The following IKZF2 variants were observed in gnomAD, a reference collection of about 807,000 sequenced individuals.
IKZF2 encodes the protein zinc finger protein Helios.
IKZF2 carries 15 observed loss-of-function variants against 49.2 expected under a neutral mutation model. The observed-to-expected ratio is 0.30, with a 90% CI of 0.20 to 0.47. The LOEUF (loss-of-function observed/expected upper bound fraction) is 0.47. Among genes scored for constraint, IKZF2 ranks in the 20% least tolerant of loss-of-function variants. The pLI is 1.00. For missense variants in IKZF2, 567 were observed against 664.6 expected, an observed-to-expected ratio of 0.85 and a Z score of 1.61; for synonymous variants, 227 against 221.4, an observed-to-expected ratio of 1.03 and a Z score of -0.23.
At chr2:213,059,275 A>T (rs1701460129) in intron 4 of IKZF2, among the ~76,000 whole-genome samples, 1 of 151,660 alleles carries the variant, frequency 6.6e-6, no homozygotes, top group South Asian at 2.1e-4. Flanking sequence ...CCCAGTGTTT[A>T]TGATATCTTT....
chr2:213,030,663 G>A (rs543455406), intron 6 of IKZF2, among the ~76,000 whole-genome samples: 15 of 151,766 alleles, frequency 9.9e-5, no homozygotes, highest in South Asian at 6.2e-4. Context: ...TTAACCCAAC[G>A]TTTTCCAAAA....
chr2:213,007,237 C>G lies in IKZF2; in HGVS notation c.*123G>C. The G allele has an allele frequency of 9.7e-7, 1 of 1,029,518 alleles. No homozygotes were observed. Among genetic ancestry groups the G allele is most frequent in the South Asian group, 1.8e-5 (1 of 54,904 alleles). 63.8% of individuals were successfully genotyped at this position (1,029,518 alleles called of 1,614,324 possible). On this transcript the variant is annotated 3_prime_UTR_variant, in exon 9 of 9. Coordinates refer to ENST00000434687, the MANE Select transcript of IKZF2 (RefSeq NM_001387220.1). The stretch of plus-strand genomic sequence containing the variant: ...GCCTCCACAAAATAAGAATTATCAA[C>G]AGTAATAATATTAAAAAAAATAAAA...
chr2:213,013,992 C>A, intron 7 of IKZF2, 58 bp from the exon 8 acceptor site: 1 of 1,539,608 alleles, frequency 6.5e-7, no homozygotes, highest in African/African-American at 1.4e-5. Context: ...TTGGATGATA[C>A]AAAGCTGGAT....
chr2:213,019,893 T>G (rs1697018020), intron 7 of IKZF2, among the ~76,000 whole-genome samples: 1 of 152,216 alleles, frequency 6.6e-6, no homozygotes, highest in South Asian at 2.1e-4. Flanking sequence ...TTTAAATTTT[T>G]CGTTAGCATT....
intron 7 of IKZF2, chr2:213,021,526 A>G (rs1697215670): frequency 3.7e-6 from 1 of 273,464 alleles, no homozygotes; most frequent in Middle Eastern, 9.4e-4. Context: ...GTGGAGAGAG[A>G]TGGTGTCTAA....
chr2:213,077,046 A>G (rs1293573277), intron 4 of IKZF2, among the ~76,000 whole-genome samples: 5 of 152,252 alleles, frequency 3.3e-5, no homozygotes, highest in Non-Finnish European at 5.9e-5. Context: ...GTTTACCAAA[A>G]GGACTGTGGA....
chr2:213,122,983 G>A (rs1022964318), intron 4 of IKZF2, among the ~76,000 whole-genome samples: 2 of 152,126 alleles, frequency 1.3e-5, no homozygotes, highest in Admixed American at 6.5e-5. Flanking sequence ...TATGCTTCCC[G>A]GCACAATTCC....
chr2:213,143,739 C>T (rs1323986132), intron 4 of IKZF2, among the ~76,000 whole-genome samples: 1 of 151,886 alleles, frequency 6.6e-6, no homozygotes, highest in Non-Finnish European at 1.5e-5. Flanking sequence ...ACTCAGAAAG[C>T]TGGTAAGTCC....
chr2:213,008,773 A>C (rs760983859), intron 8 of IKZF2, among the ~76,000 whole-genome samples: 1 of 152,092 alleles, frequency 6.6e-6, no homozygotes, highest in African/African-American at 2.4e-5. Flanking sequence ...ATTAGTGACC[A>C]AGCTACAAAG....
chr2:213,125,184 G>A (rs1413262391), intron 4 of IKZF2, among the ~76,000 whole-genome samples: 2 of 152,168 alleles, frequency 1.3e-5, no homozygotes, highest in Non-Finnish European at 1.5e-5. Flanking sequence ...GTTCTAGAGT[G>A]TATAACATTT....
chr2:213,007,681 G>GA lies in IKZF2; in HGVS notation c.1259_1260insT (p.Gln421ProfsTer31). 2 of 1,613,726 alleles carry GA rather than the reference G, an allele frequency of 1.2e-6. No individual in the cohort carries two copies. Among genetic ancestry groups the GA allele is most frequent in the Non-Finnish European group, 1.7e-6 (2 of 1,179,768 alleles). ...TGGGATTTAAGGCAGGGTGTCCTTGGTAGGACTGGTGGTCATCATGGCTGC... is the reference window on the plus strand; with the variant it reads ...TGGGATTTAAGGCAGGGTGTCCTTGGATAGGACTGGTGGTCATCATGGCTGC... On this transcript the variant is annotated frameshift_variant, in exon 9 of 9. Transcript: ENST00000434687. LOFTEE classifies it high-confidence loss of function.
At chr2:213,088,068 G>A (rs557251715) in intron 4 of IKZF2, among the ~76,000 whole-genome samples, 2 of 152,292 alleles carry the variant, frequency 1.3e-5, no homozygotes, top group East Asian at 1.9e-4. Flanking sequence ...CTAGATCCCT[G>A]AGGAATTGCC....
At chr2:213,111,374 GTTCT>G (rs2125771949) in intron 4 of IKZF2, among the ~76,000 whole-genome samples, 1 of 152,062 alleles carries the variant, frequency 6.6e-6, no homozygotes, top group Non-Finnish European at 1.5e-5. Flanking sequence ...GCTTCTGCAT[GTTCT>G]TTAATACAAA....
At chr2:213,041,260 G>A (rs1309650342) in intron 6 of IKZF2, among the ~76,000 whole-genome samples, 1 of 149,568 alleles carries the variant, frequency 6.7e-6, no homozygotes, top group African/African-American at 2.4e-5. Flanking sequence ...ATAACTTTAT[G>A]TAATGTATCT....
intron 4 of IKZF2, among the ~76,000 whole-genome samples, chr2:213,129,209 T>A (rs2060384770): frequency 6.6e-6 from 1 of 151,594 alleles, no homozygotes; most frequent in Non-Finnish European, 1.5e-5. Flanking sequence ...TCCTCAACTG[T>A]GTGTTGGGAG....
intron 4 of IKZF2, among the ~76,000 whole-genome samples, chr2:213,090,644 G>C (rs1705201825): frequency 6.6e-6 from 1 of 152,198 alleles, no homozygotes. Context: ...TACTAGAGTA[G>C]GGTGAGCCCT....
chr2:213,110,216 T>C (rs911182328), intron 4 of IKZF2, among the ~76,000 whole-genome samples: 7 of 151,968 alleles, frequency 4.6e-5, no homozygotes, highest in Admixed American at 4.6e-4. Context: ...TGTTGTCAAA[T>C]AGGTAGATAT....
chr2:213,109,530 G>T (rs974536767), intron 4 of IKZF2, among the ~76,000 whole-genome samples: 7 of 151,808 alleles, frequency 4.6e-5, no homozygotes, highest in Non-Finnish European at 1.0e-4. Context: ...CTTTCTGAAA[G>T]GTTAAGTAAT....
intron 4 of IKZF2, among the ~76,000 whole-genome samples, chr2:213,126,776 T>C (rs1413507165): frequency 2.0e-5 from 3 of 152,088 alleles, no homozygotes; most frequent in African/African-American, 7.2e-5. Context: ...TACTGTCAAA[T>C]ACAATTTCAA....
Sources: gnomAD v4.1 joint callset for allele counts (sites outside exome capture counted in the v4.1 genomes callset) on GRCh38, gnomAD v4.1.1 for gene constraint, MANE v1.5 for transcripts, NCBI Gene and HGNC (gene_info 2026-07-23, HGNC 2026-07-21) for gene names.